LINGO1: variants seen among roughly 807,000 people sequenced by gnomAD.
LINGO1 encodes the protein leucine-rich repeat and immunoglobulin-like domain-containing nogo receptor-interacting protein 1.
A neutral mutation model predicts 37.3 loss-of-function variants in LINGO1; 11 were observed. The ratio of observed to expected loss-of-function variants is 0.29; its 90% CI spans 0.19 to 0.49. LINGO1 has a LOEUF of 0.49. Ranked by LOEUF, LINGO1 falls within the 20% of genes least tolerant of loss-of-function variation. The pLI, the probability that LINGO1 is intolerant of heterozygous loss-of-function variation, is 0.99. For synonymous variants in LINGO1, 387 were observed against 403.0 expected (o/e 0.96, Z 0.48); for missense variants, 585 against 878.2 (o/e 0.67, Z 4.22).
intron 1 of LINGO1, among the ~76,000 whole-genome samples, chr15:77,628,387 A>T (rs28684542): frequency 0.2 from 29,974 of 152,012 alleles, 6,408 homozygotes; most frequent in African/African-American, 0.54. Context: ...ATGAGCTACA[A>T]CTACTATTAT....
intron 1 of LINGO1, among the ~76,000 whole-genome samples, chr15:77,818,388 C>T (rs1196755102): frequency 6.6e-6 from 1 of 152,206 alleles, no homozygotes; most frequent in Non-Finnish European, 1.5e-5. Flanking sequence ...CAGTACAGGT[C>T]CAGAGTGTGG....
Position 77,669,587 on chromosome 15 carries a change from C to T in LINGO1, c.-13+7502G>A, listed in dbSNP as rs145949705. Among the ~76,000 whole-genome samples, 1,167 of 152,304 alleles carry T rather than the reference C, an allele frequency of 7.7e-3. 23 individuals are homozygous for T. Among genetic ancestry groups the T allele is most frequent in the African/African-American group, 0.026 (1,079 of 41,554 alleles). On this transcript the variant is annotated intron_variant, in intron 3 of 3. Coordinates refer to the LINGO1 transcript ENST00000559893. ...ATGTCCACACAGGCTAAGCTAAGCT[C>T]AGATTGGATCTCCTCCAGGAAGCCC... is the stretch of plus-strand genomic sequence containing the variant.
chr15:77,665,630 T>C (rs971015260), intron 3 of LINGO1, among the ~76,000 whole-genome samples: 2 of 152,082 alleles, frequency 1.3e-5, no homozygotes, highest in African/African-American at 4.8e-5. Context: ...ACACATCCCC[T>C]CCACAGCTAG....
At chr15:77,701,026 C>T (rs1429660827), upstream of LINGO1, among the ~76,000 whole-genome samples, 2 of 152,216 alleles carry the variant, frequency 1.3e-5, no homozygotes, top group African/African-American at 4.8e-5. Context: ...CACTCCTACA[C>T]TGAAACCACA....
chr15:77,677,349 C>G (rs903531964), intron 2 of LINGO1, among the ~76,000 whole-genome samples: 1 of 152,082 alleles, frequency 6.6e-6, no homozygotes, highest in African/African-American at 2.4e-5. Flanking sequence ...TACCCACTTC[C>G]CAGCACCCTG....
intron 1 of LINGO1, among the ~76,000 whole-genome samples, chr15:77,798,583 G>T (rs1447149620): frequency 1.3e-5 from 2 of 152,254 alleles, no homozygotes; most frequent in African/African-American, 4.8e-5. Flanking sequence ...CAATGATTTG[G>T]GGCAGGGGAG....
intron 3 of LINGO1, chr15:77,647,886 A>G (rs1485042141): frequency 2.2e-6 from 1 of 456,686 alleles, no homozygotes. Context: ...CACAGAGGAA[A>G]TATTTTTCTG....
At chr15:77,700,888 AG>A (rs2075774026), upstream of LINGO1, among the ~76,000 whole-genome samples, 1 of 152,184 alleles carries the variant, frequency 6.6e-6, no homozygotes, top group Non-Finnish European at 1.5e-5. Flanking sequence ...TGTCTTCCAC[AG>A]GACAACCTCA....
chr15:77,795,218 T>C (rs1419410938), intron 2 of LINGO1, among the ~76,000 whole-genome samples: 1 of 151,504 alleles, frequency 6.6e-6, no homozygotes, highest in South Asian at 2.1e-4. Flanking sequence ...CAAGCCGGGG[T>C]CAAGCCAGGC....
rs745918219 is a variant in LINGO1 at position 77,614,892 on chromosome 15, C to A, written c.1015G>T (p.Val339Leu). The change falls in exon 2 of 2, where the codon GTG becomes TTG. Residue 339 changes from valine to leucine, a missense_variant. Around this residue, in one of 4 missense-constraint regions of LINGO1, gnomAD observed 484 missense variants for 735.0 expected, o/e 0.66. Transcript: ENST00000355300. The stretch of plus-strand genomic sequence containing the variant: ...AGCTGGTTGCCAGAGACATTGAGCA[C>A]GCGCAGGTAGTTGAGGCCGCGGAAG... ...YAFRGLNYLR[V>L]LNVSGNQLTT... 2 of 1,613,838 alleles carry A rather than the reference C, an allele frequency of 1.2e-6. No homozygotes were observed. The highest frequency in any genetic ancestry group is 1.3e-5 in the African/African-American group (1 of 74,926).
At chr15:77,778,106 T>C (rs1328212808) in intron 1 of LINGO1, among the ~76,000 whole-genome samples, 2 of 152,222 alleles carry the variant, frequency 1.3e-5, no homozygotes, top group African/African-American at 4.8e-5. Flanking sequence ...GCTCCTGCCA[T>C]AGACTCCAGG....
intron 2 of LINGO1, among the ~76,000 whole-genome samples, chr15:77,708,109 T>C (rs1034814834): frequency 6.6e-6 from 1 of 152,178 alleles, no homozygotes; most frequent in African/African-American, 2.4e-5. Flanking sequence ...CAAAAGAAAT[T>C]TCCTATAATG....
chr15:77,802,330 G>A (rs1307719790), intron 1 of LINGO1, among the ~76,000 whole-genome samples: 1 of 152,126 alleles, frequency 6.6e-6, no homozygotes, highest in Non-Finnish European at 1.5e-5. Context: ...CAGCATGTGT[G>A]TGTCTGGAGG....
At chr15:77,650,956 A>G (rs979905932) in intron 3 of LINGO1, among the ~76,000 whole-genome samples, 1 of 152,114 alleles carries the variant, frequency 6.6e-6, no homozygotes, top group Non-Finnish European at 1.5e-5. Flanking sequence ...CTGCAGGGCA[A>G]GTAGACATTT....
intron 2 of LINGO1, among the ~76,000 whole-genome samples, chr15:77,681,385 C>T (rs970429944): frequency 6.6e-6 from 1 of 152,056 alleles, no homozygotes; most frequent in Non-Finnish European, 1.5e-5. Flanking sequence ...TGGCTCCTGG[C>T]TACAGTGGAG....
intron 1 of LINGO1, among the ~76,000 whole-genome samples, chr15:77,760,599 A>T (rs2076465669): frequency 6.6e-6 from 1 of 152,184 alleles, no homozygotes; most frequent in African/African-American, 2.4e-5. Context: ...CACGGTCCTT[A>T]TCAACCTGCT....
At chr15:77,702,209 C>T (rs2075792962) in intron 2 of LINGO1, among the ~76,000 whole-genome samples, 1 of 152,186 alleles carries the variant, frequency 6.6e-6, no homozygotes, top group African/African-American at 2.4e-5. Flanking sequence ...CCTCCACTAA[C>T]ACACTGTTTC....
At chr15:77,785,244 C>T (rs778049445) in intron 1 of LINGO1, among the ~76,000 whole-genome samples, 10 of 152,176 alleles carry the variant, frequency 6.6e-5, no homozygotes, top group Non-Finnish European at 1.3e-4. Flanking sequence ...GCAGACCCCT[C>T]CCACATCTCC....
chr15:77,738,538 G>A (rs1198809834), intron 1 of LINGO1, among the ~76,000 whole-genome samples: 2 of 152,094 alleles, frequency 1.3e-5, no homozygotes, highest in East Asian at 3.8e-4. Flanking sequence ...TGCCCACCAT[G>A]CACCCCAGTC....
Sources: gnomAD v4.1 joint callset for allele counts (sites outside exome capture counted in the v4.1 genomes callset) on GRCh38, gnomAD v4.1.1 for gene constraint, gnomAD v4.1.1 regional missense constraint, MANE v1.5 for transcripts, NCBI Gene and HGNC (gene_info 2026-07-23, HGNC 2026-07-21) for gene names.